Variants in EBF1 observed in about 807,000 individuals in gnomAD.
EBF1 encodes the protein EBF transcription factor 1, also known as transcription factor COE1.
A neutral mutation model predicts 68.4 loss-of-function variants in EBF1; 10 were observed. The observed-to-expected ratio is 0.15, with a 90% confidence interval of 0.09 to 0.25. The LOEUF is 0.25. Among genes scored for constraint, EBF1 ranks in the 10% least tolerant of loss-of-function variants. The pLI is 1.00. For missense variants in EBF1, 509 were observed against 794.4 expected (o/e 0.64, Z 4.32); for synonymous variants, 298 against 299.8 (o/e 0.99, Z 0.06).
intron 10 of EBF1, among the ~76,000 whole-genome samples, chr5:158,747,654 C>G (rs1767884383): frequency 6.6e-6 from 1 of 152,292 alleles, no homozygotes; most frequent in African/African-American, 2.4e-5. Context: ...CCAAGCTGTC[C>G]TTTAAAGGCT....
intron 6 of EBF1, among the ~76,000 whole-genome samples, chr5:159,048,078 C>A (rs780396476): frequency 2.0e-5 from 3 of 152,152 alleles, no homozygotes; most frequent in Non-Finnish European, 4.4e-5. Flanking sequence ...AATCATAACA[C>A]CTGGTCCAAC....
chr5:158,770,022 T>C (rs1477278149), intron 10 of EBF1, among the ~76,000 whole-genome samples: 1 of 152,156 alleles, frequency 6.6e-6, no homozygotes, highest in Non-Finnish European at 1.5e-5. Context: ...CCTTCCTTTC[T>C]CCAATTCTTT....
intron 5 of EBF1, among the ~76,000 whole-genome samples, chr5:159,082,942 T>G (rs748568595): frequency 6.6e-6 from 1 of 152,204 alleles, no homozygotes. Flanking sequence ...GACCAGTGAA[T>G]TTTAAAAACA....
intron 6 of EBF1, among the ~76,000 whole-genome samples, chr5:158,989,139 C>T (rs1485418806): frequency 6.6e-6 from 1 of 152,200 alleles, no homozygotes; most frequent in African/African-American, 2.4e-5. Context: ...TCCCACCCAC[C>T]TCCAACACCT....
intron 4 of EBF1, among the ~76,000 whole-genome samples, chr5:159,088,215 G>A (rs575037976): frequency 5.9e-5 from 9 of 152,082 alleles, no homozygotes; most frequent in Non-Finnish European, 1.3e-4. Context: ...GTATGGGCAC[G>A]GAAATCAACA....
At chr5:159,092,619 T>C (rs1351870275) in intron 4 of EBF1, among the ~76,000 whole-genome samples, 2 of 152,234 alleles carry the variant, frequency 1.3e-5, no homozygotes, top group Non-Finnish European at 2.9e-5. Context: ...TATGGAAATG[T>C]AGAATGCAAA....
chr5:158,761,793 G>C (rs1771514394), intron 10 of EBF1, among the ~76,000 whole-genome samples: 1 of 152,028 alleles, frequency 6.6e-6, no homozygotes, highest in Admixed American at 6.6e-5. Context: ...AAAAATTTTT[G>C]GTGATTTCTT....
intron 6 of EBF1, among the ~76,000 whole-genome samples, chr5:159,068,409 G>A (rs1254583018): frequency 1.4e-5 from 2 of 139,900 alleles, no homozygotes; most frequent in Non-Finnish European, 3.1e-5. Context: ...ATGGATGGAT[G>A]GTTAGATAGA....
chr5:159,099,208 G>C lies in EBF1; in HGVS notation c.134+137C>G, dbSNP rs1783187330. ...GGCTGGAGAGCGCGGAGCCCCGGCGGAGAGCGGAGCGCAGCGGCTGCGGAC... is the reference window on the plus strand; with the variant it reads ...GGCTGGAGAGCGCGGAGCCCCGGCGCAGAGCGGAGCGCAGCGGCTGCGGAC... On this transcript the variant is annotated intron_variant, in intron 1 of 15. Transcript: ENST00000313708. 1.2e-5 allele frequency: 7 copies of C among 598,528 alleles called. No individual in the cohort carries two copies. The East Asian group carries it at 1.2e-4, about 10-fold the overall frequency. 37.1% of individuals were successfully genotyped at this position (598,528 alleles called of 1,614,324 possible).
intron 6 of EBF1, among the ~76,000 whole-genome samples, chr5:158,886,766 C>T (rs1356853440): frequency 6.6e-6 from 1 of 152,252 alleles, no homozygotes; most frequent in Admixed American, 6.5e-5. Flanking sequence ...AATCCCAGCA[C>T]TTAGGGAGGC....
chr5:159,004,653 T>C (rs919041321), intron 6 of EBF1, among the ~76,000 whole-genome samples: 2 of 152,204 alleles, frequency 1.3e-5, no homozygotes, highest in African/African-American at 4.8e-5. Context: ...GCTTGTTCTA[T>C]AATGAATTCC....
At chr5:158,743,383 G>A (rs2127575403) in intron 10 of EBF1, among the ~76,000 whole-genome samples, 1 of 152,316 alleles carries the variant, frequency 6.6e-6, no homozygotes, top group South Asian at 2.1e-4. Flanking sequence ...AGCTTAACAT[G>A]TTGAGAGTGA....
chr5:158,737,230 G>C (rs1765369074), intron 10 of EBF1, among the ~76,000 whole-genome samples: 1 of 142,426 alleles, frequency 7.0e-6, no homozygotes, highest in Non-Finnish European at 1.5e-5. Context: ...AGAGAAGCCA[G>C]AGGAAAATTT....
intron 6 of EBF1, among the ~76,000 whole-genome samples, chr5:158,896,460 T>C (rs1198356642): frequency 6.6e-6 from 1 of 152,254 alleles, no homozygotes; most frequent in Non-Finnish European, 1.5e-5. Context: ...TGTAATGTAC[T>C]ACATGCTGAC....
chr5:158,945,130 T>C (rs1814367561), intron 6 of EBF1, among the ~76,000 whole-genome samples: 1 of 152,218 alleles, frequency 6.6e-6, no homozygotes, highest in Admixed American at 6.5e-5. Context: ...AGTATTTTAG[T>C]CATGAAGTCT....
intron 6 of EBF1, among the ~76,000 whole-genome samples, chr5:158,918,688 C>T (rs1311474594): frequency 6.6e-6 from 1 of 152,242 alleles, no homozygotes; most frequent in East Asian, 1.9e-4. Flanking sequence ...CTCCACTCCC[C>T]ACACTTACCC....
At chr5:158,991,856 C>G (rs1484452807) in intron 6 of EBF1, among the ~76,000 whole-genome samples, 1 of 152,166 alleles carries the variant, frequency 6.6e-6, no homozygotes, top group East Asian at 1.9e-4. Context: ...AATGCAAGAG[C>G]TGAACAAAGC....
intron 6 of EBF1, among the ~76,000 whole-genome samples, chr5:158,968,879 A>G (rs1361303364): frequency 6.6e-6 from 1 of 152,244 alleles, no homozygotes; most frequent in Non-Finnish European, 1.5e-5. Flanking sequence ...GTGAAATGAC[A>G]TCTGAAGTCC....
At chr5:158,978,779 T>TACAC (rs373321443) in intron 6 of EBF1, among the ~76,000 whole-genome samples, 71 of 130,170 alleles carry the variant, frequency 5.5e-4, no homozygotes, top group African/African-American at 1.9e-3. Flanking sequence ...GAATTGAAGA[T>TACAC]ACACACACAC....
Sources: allele counts gnomAD v4.1 joint callset (sites outside exome capture counted in the v4.1 genomes callset), GRCh38; gene constraint gnomAD v4.1.1; transcripts MANE v1.5; gene names NCBI Gene and HGNC (gene_info 2026-07-23, HGNC 2026-07-21).